The following CLASP1 variants were observed in gnomAD, a reference collection of about 807,000 sequenced individuals.
CLASP1 encodes the protein CLIP-associating protein 1.
Under a neutral mutation model 192.3 loss-of-function variants are expected in CLASP1, and 38 were observed. The ratio of observed to expected loss-of-function variants is 0.20; its 90% CI spans 0.15 to 0.26. The LOEUF (loss-of-function observed/expected upper bound fraction) is 0.26. CLASP1 is among the 10% of genes least tolerant of loss of function. The pLI is 1.00. For missense variants in CLASP1, 1,433 were observed against 1,932.5 expected, an observed-to-expected ratio of 0.74 and a Z score of 4.85; for synonymous variants, 691 against 712.8, an observed-to-expected ratio of 0.97 and a Z score of 0.49.
intron 19 of CLASP1, among the ~76,000 whole-genome samples, chr2:121,444,360 TG>T (rs886935847): frequency 3.9e-5 from 6 of 152,166 alleles, no homozygotes; most frequent in African/African-American, 1.4e-4. Flanking sequence ...AATGAATGAA[TG>T]GGGTGTGTGT....
intron 1 of CLASP1, among the ~76,000 whole-genome samples, chr2:121,625,159 C>T (rs750601597): frequency 3.2e-4 from 48 of 152,250 alleles, no homozygotes; most frequent in South Asian, 6.2e-4. Context: ...CTATAAATGT[C>T]TGTCCCTTAA....
chr2:121,461,139 A>C, exon 11 of CLASP1: 1 of 1,607,648 alleles, frequency 6.2e-7, no homozygotes, highest in Admixed American at 1.7e-5. Flanking sequence ...TTGTCATCAG[A>C]TAATATTTCC....
At chr2:121,373,101 G>GT (rs2069103973) in intron 34 of CLASP1, among the ~76,000 whole-genome samples, 1 of 152,152 alleles carries the variant, frequency 6.6e-6, no homozygotes, top group Non-Finnish European at 1.5e-5. Context: ...CCAATGTTCG[G>GT]TGAGGAACCT....
intron 2 of CLASP1, among the ~76,000 whole-genome samples, chr2:121,600,293 T>A (rs1184879835): frequency 6.6e-6 from 1 of 152,188 alleles, no homozygotes; most frequent in Non-Finnish European, 1.5e-5. Flanking sequence ...GACATAGCCC[T>A]TGAGTGCAAA....
At chr2:121,572,696 G>C (rs1374880291) in intron 2 of CLASP1, among the ~76,000 whole-genome samples, 3 of 152,072 alleles carry the variant, frequency 2.0e-5, no homozygotes, top group Admixed American at 6.5e-5. Flanking sequence ...AGAAGTTTGA[G>C]ACTAGCCTGG....
chr2:121,383,902 C>T (rs148427006), intron 32 of CLASP1, among the ~76,000 whole-genome samples: 12 of 150,680 alleles, frequency 8.0e-5, no homozygotes, highest in Admixed American at 2.7e-4. Context: ...TGATGTCTAA[C>T]GGAATGTTTT....
At chr2:121,354,502 G>A (rs2065052678) in intron 37 of CLASP1, among the ~76,000 whole-genome samples, 1 of 152,208 alleles carries the variant, frequency 6.6e-6, no homozygotes, top group African/African-American at 2.4e-5. Context: ...GTTACACACA[G>A]CTGAGTGGAT....
At chr2:121,619,631 C>T (rs530951359) in intron 1 of CLASP1, among the ~76,000 whole-genome samples, 1 of 152,178 alleles carries the variant, frequency 6.6e-6, no homozygotes, top group Non-Finnish European at 1.5e-5. Context: ...ATAAGGTACT[C>T]ATGATTAGAA....
chr2:121,476,451 CA>C, intron 8 of CLASP1, among the ~76,000 whole-genome samples: 1 of 152,308 alleles, frequency 6.6e-6, no homozygotes, highest in East Asian at 1.9e-4. Context: ...AACATGAATT[CA>C]AGTCTGGTGT....
intron 2 of CLASP1, among the ~76,000 whole-genome samples, chr2:121,596,587 T>A (rs1332325080): frequency 1.3e-5 from 2 of 152,214 alleles, no homozygotes; most frequent in Non-Finnish European, 2.9e-5. Flanking sequence ...CGGTAACATG[T>A]GCTCTGTAAA....
intron 7 of CLASP1, among the ~76,000 whole-genome samples, chr2:121,505,921 T>C (rs750222105): frequency 2.6e-5 from 4 of 152,122 alleles, no homozygotes; most frequent in Non-Finnish European, 4.4e-5. Flanking sequence ...TCTCAGTCAA[T>C]AAGCTGCATC....
intron 1 of CLASP1, among the ~76,000 whole-genome samples, chr2:121,607,410 C>T (rs547242438): frequency 6.6e-6 from 1 of 152,138 alleles, no homozygotes; most frequent in Non-Finnish European, 1.5e-5. Flanking sequence ...GACAATAGCA[C>T]CATTTGGGCC....
At chr2:121,537,987 C>T (rs1022442479) in intron 2 of CLASP1, among the ~76,000 whole-genome samples, 1 of 152,052 alleles carries the variant, frequency 6.6e-6, no homozygotes, top group African/African-American at 2.4e-5. Flanking sequence ...TTCAAACCTA[C>T]AAAAAGCATC....
At chr2:121,531,922 TAGTC>T (rs779240668) in intron 2 of CLASP1, among the ~76,000 whole-genome samples, 21 of 151,958 alleles carry the variant, frequency 1.4e-4, no homozygotes, top group Admixed American at 2.0e-4. Context: ...AATGGTCCAA[TAGTC>T]AGATTAAACC....
chr2:121,622,855 TTTTC>T (rs1235700715), intron 1 of CLASP1, among the ~76,000 whole-genome samples: 19 of 152,268 alleles, frequency 1.2e-4, no homozygotes, highest in Admixed American at 1.2e-3. Context: ...TATGAACGCC[TTTTC>T]TTTCTTTTTC....
chr2:121,377,077 C>T (rs1188809869), intron 34 of CLASP1, among the ~76,000 whole-genome samples: 3 of 152,198 alleles, frequency 2.0e-5, no homozygotes, highest in African/African-American at 7.2e-5. Flanking sequence ...CACCAACTGG[C>T]CTGGTCTGTG....
intron 8 of CLASP1, chr2:121,470,351 C>T (rs896912973): frequency 4.8e-5 from 22 of 457,444 alleles, no homozygotes; most frequent in Admixed American, 8.0e-5. Context: ...ACTCAATCCT[C>T]CCTCCTTGGC....
At chr2:121,496,284 A>G (rs1368480944) in intron 8 of CLASP1, among the ~76,000 whole-genome samples, 1 of 152,242 alleles carries the variant, frequency 6.6e-6, no homozygotes, top group Non-Finnish European at 1.5e-5. Flanking sequence ...CTTTTGAGTC[A>G]GCCTAGGAAG....
At chr2:121,391,713 G>A (rs2074385496) in intron 30 of CLASP1, among the ~76,000 whole-genome samples, 1 of 152,160 alleles carries the variant, frequency 6.6e-6, no homozygotes, top group African/African-American at 2.4e-5. Flanking sequence ...GACCAGCCTG[G>A]CCAACATGGT....
Sources: gnomAD v4.1 joint callset for allele counts (sites outside exome capture counted in the v4.1 genomes callset) on GRCh38, gnomAD v4.1.1 for gene constraint, MANE v1.5 for transcripts, NCBI Gene and HGNC (gene_info 2026-07-23, HGNC 2026-07-21) for gene names.